Variants in SUPT3H observed in about 807,000 individuals in gnomAD.
The protein encoded by SUPT3H is SPT3 homolog, SAGA and STAGA complex component.
A neutral mutation model predicts 44.3 loss-of-function variants in SUPT3H; 44 were observed. The observed-to-expected ratio is 0.99, with a 90% CI of 0.78 to 1.28. The LOEUF is 1.28. Ranked by LOEUF, SUPT3H falls within the 50% of genes most tolerant of loss-of-function variation. The probability of loss-of-function intolerance (pLI) is 0.00; values close to 1 mark genes in which losing one functional copy is unlikely to be tolerated. For synonymous variants in SUPT3H, 124 were observed against 125.6 expected (o/e 0.99, Z 0.09); for missense variants, 380 against 387.1 (o/e 0.98, Z 0.15).
chr6:45,042,537 A>G (rs766662634), intron 3 of SUPT3H, among the ~76,000 whole-genome samples: 1 of 152,216 alleles, frequency 6.6e-6, no homozygotes, highest in Non-Finnish European at 1.5e-5. Context: ...ATTTGGTATC[A>G]TAAGGGAAAA....
rs57304862 is a variant in SUPT3H, at chr6:45,043,455, T to G, written c.187-22823A>C. ...GCATGGTACCTGAGATAATGTTAGT[T>G]TTAACACAGTCCTTTTCCTCCTCAG... On this transcript the variant is annotated intron_variant, in intron 3 of 10. Coordinates refer to ENST00000371459, the MANE Select transcript of SUPT3H (RefSeq NM_003599.4). 8.6e-3 allele frequency among the ~76,000 whole-genome samples: 1,306 copies of G among 152,248 alleles called. 24 individuals are homozygous for G. The highest frequency in any genetic ancestry group is 0.03 in the African/African-American group (1,230 of 41,516).
intron 3 of SUPT3H, among the ~76,000 whole-genome samples, chr6:45,024,676 C>T (rs1006381897): frequency 3.3e-5 from 5 of 152,132 alleles, no homozygotes; most frequent in South Asian, 2.1e-4. Context: ...GACTGGACCG[C>T]GGGGTACATA....
At chr6:45,249,042 C>T (rs999976311) in intron 2 of SUPT3H, among the ~76,000 whole-genome samples, 1 of 152,078 alleles carries the variant, frequency 6.6e-6, no homozygotes, top group African/African-American at 2.4e-5. Context: ...GGGAATTCTA[C>T]TCCCAGGAAT....
chr6:44,992,306 A>G (rs1780712859), intron 6 of SUPT3H, among the ~76,000 whole-genome samples: 1 of 152,180 alleles, frequency 6.6e-6, no homozygotes, highest in Admixed American at 6.5e-5. Flanking sequence ...CAGTATAATC[A>G]CCATGTGGCA....
intron 2 of SUPT3H, among the ~76,000 whole-genome samples, chr6:45,314,271 T>C (rs567500563): frequency 2.0e-5 from 3 of 152,192 alleles, no homozygotes; most frequent in South Asian, 4.2e-4. Flanking sequence ...CTCTTCAACA[T>C]AGTACTGGAA....
chr6:45,304,295 C>A (rs1174005649), intron 2 of SUPT3H, among the ~76,000 whole-genome samples: 1 of 152,114 alleles, frequency 6.6e-6, no homozygotes, highest in Non-Finnish European at 1.5e-5. Context: ...CTAATCTCTA[C>A]CCATCCATCC....
At chr6:45,179,614 C>T (rs1324049861) in intron 2 of SUPT3H, among the ~76,000 whole-genome samples, 1 of 152,064 alleles carries the variant, frequency 6.6e-6, no homozygotes. Context: ...ATCAACGGAA[C>T]CAAAGACAAA....
chr6:45,015,932 G>C (rs879591241), intron 4 of SUPT3H, among the ~76,000 whole-genome samples: 21 of 151,938 alleles, frequency 1.4e-4, no homozygotes, highest in Non-Finnish European at 2.8e-4. Flanking sequence ...CAGCTCCCTT[G>C]ATAACTGCTT....
At chr6:45,171,813 G>A (rs989540479) in intron 2 of SUPT3H, among the ~76,000 whole-genome samples, 3 of 142,074 alleles carry the variant, frequency 2.1e-5, no homozygotes, top group Non-Finnish European at 4.5e-5. Context: ...TGCCACCCAG[G>A]TTCAAGCGAT....
intron 2 of SUPT3H, among the ~76,000 whole-genome samples, chr6:45,332,750 A>T (rs1485966232): frequency 6.6e-6 from 1 of 151,790 alleles, no homozygotes; most frequent in Non-Finnish European, 1.5e-5. Context: ...CATCAACTCA[A>T]TGTGAAAAAA....
chr6:45,313,800 G>A (rs115582707), intron 2 of SUPT3H, among the ~76,000 whole-genome samples: 3,056 of 151,898 alleles, frequency 0.02, 99 homozygotes, highest in African/African-American at 0.069. Flanking sequence ...TATGAAGCCA[G>A]CGTCACCCTA....
chr6:45,222,242 T>C (rs937425646), intron 2 of SUPT3H, among the ~76,000 whole-genome samples: 1 of 152,098 alleles, frequency 6.6e-6, no homozygotes, highest in African/African-American at 2.4e-5. Context: ...ATTAGATACA[T>C]TGCACCTCAT....
At chr6:45,131,209 T>C (rs989516666) in intron 2 of SUPT3H, among the ~76,000 whole-genome samples, 3 of 152,164 alleles carry the variant, frequency 2.0e-5, no homozygotes, top group Non-Finnish European at 4.4e-5. Context: ...TAAAGTATTA[T>C]AATTTAAACC....
intron 3 of SUPT3H, among the ~76,000 whole-genome samples, chr6:45,094,457 T>A (rs1358834562): frequency 2.0e-5 from 3 of 152,108 alleles, no homozygotes; most frequent in Non-Finnish European, 4.4e-5. Flanking sequence ...GACACTGAAG[T>A]AAAGACTGCT....
intron 1 of SUPT3H, among the ~76,000 whole-genome samples, chr6:45,374,451 C>T (rs922201466): frequency 1.3e-5 from 2 of 152,092 alleles, no homozygotes; most frequent in African/African-American, 4.8e-5. Context: ...TAATTTGTCC[C>T]AAATCACATG....
intron 2 of SUPT3H, among the ~76,000 whole-genome samples, chr6:45,148,116 T>A (rs908049547): frequency 6.6e-6 from 1 of 152,066 alleles, no homozygotes; most frequent in Non-Finnish European, 1.5e-5. Context: ...AACATCTATG[T>A]CTAACTGAAG....
chr6:44,826,264 A>G (rs1767741783), downstream of SUPT3H, among the ~76,000 whole-genome samples: 1 of 152,216 alleles, frequency 6.6e-6, no homozygotes, highest in Non-Finnish European at 1.5e-5. Flanking sequence ...AATGAACACA[A>G]TTCCACAAAA....
chr6:44,899,741 G>A (rs1764673339), intron 10 of SUPT3H, among the ~76,000 whole-genome samples: 1 of 152,082 alleles, frequency 6.6e-6, no homozygotes. Flanking sequence ...ACTCTGTATT[G>A]TTTTATTATC....
At chr6:44,949,611 C>CAAA (rs34872121) in intron 9 of SUPT3H, among the ~76,000 whole-genome samples, 3 of 140,226 alleles carry the variant, frequency 2.1e-5, no homozygotes, top group Non-Finnish European at 1.5e-5. Context: ...CCTTTGCCTG[C>CAAA]AAAAAAAAAA....
Sources: allele counts gnomAD v4.1 joint callset (sites outside exome capture counted in the v4.1 genomes callset), GRCh38; gene constraint gnomAD v4.1.1; transcripts MANE v1.5; gene names NCBI Gene and HGNC (gene_info 2026-07-23, HGNC 2026-07-21).